Variants in RNF20 observed in about 807,000 individuals in gnomAD.
RNF20 encodes the protein E3 ubiquitin-protein ligase BRE1A.
A neutral mutation model predicts 126.2 loss-of-function variants in RNF20; 84 were observed. That is an observed-to-expected ratio of 0.67 (90% CI 0.56 to 0.80). The LOEUF is 0.80. Ranked by LOEUF, RNF20 falls within the 30% of genes least tolerant of loss-of-function variation. The pLI is 0.00. For synonymous variants in RNF20, 400 were observed against 414.3 expected (o/e 0.97, Z 0.42); for missense variants, 869 against 1,188.2 (o/e 0.73, Z 3.95).
chr9:101,549,264 T>C lies in RNF20; in HGVS notation c.1093-1342T>C, dbSNP rs573943910. Among the ~76,000 whole-genome samples the C allele has an allele frequency of 2.6e-5, 4 of 152,258 alleles. No individual in the cohort carries two copies. In the South Asian group the frequency reaches 8.3e-4, roughly 32 times the overall value. On this transcript the variant is annotated intron_variant, in intron 9 of 19. Transcript: ENST00000389120. Reference sequence around the variant, plus strand: ...AGAGCAAGCCATCTCCAATCGTAGGTAAGGTCACGTGGGTCACATGTCCAC... The same window carrying C: ...AGAGCAAGCCATCTCCAATCGTAGGCAAGGTCACGTGGGTCACATGTCCAC...
At chr9:101,544,421 A>G (rs1827314352) in intron 5 of RNF20, among the ~76,000 whole-genome samples, 2 of 152,244 alleles carry the variant, frequency 1.3e-5, no homozygotes, top group African/African-American at 2.4e-5. Flanking sequence ...ATTTGACACT[A>G]TAGGCCAGGC....
Position 101,550,603 on chromosome 9 carries a change from A to G in RNF20, c.1093-3A>G. ...TTCTGACTTTGCTTTGGGCCCTCCT[A>G]AGGTGGAATTGCGGAGTGCAGTGGA... is the stretch of plus-strand genomic sequence containing the variant. On this transcript the variant is annotated splice_region_variant and splice_polypyrimidine_tract_variant and intron_variant, in intron 9 of 19. Coordinates refer to ENST00000389120, the MANE Select transcript of RNF20 (RefSeq NM_019592.7). The G allele has an allele frequency of 6.2e-7, 1 of 1,612,954 alleles. No homozygotes were observed. Among genetic ancestry groups the G allele is most frequent in the East Asian group, 2.2e-5 (1 of 44,878 alleles).
chr9:101,562,425 T>A lies in RNF20; in HGVS notation c.*3T>A. On this transcript the variant is annotated 3_prime_UTR_variant, in exon 20 of 20. Coordinates refer to ENST00000389120, the MANE Select transcript of RNF20 (RefSeq NM_019592.7). ...TTCATCGCATCTACATTGGTTGATC[T>A]AAGTCAAGAGAAGAAGAGGAGCTGG... The A allele has an allele frequency of 6.2e-7, 1 of 1,610,682 alleles. No homozygotes were observed.
chr9:101,540,155 T>G (rs780542305), intron 2 of RNF20, 48 bp from the exon 3 acceptor site: 8 of 1,562,532 alleles, frequency 5.1e-6, no homozygotes, highest in Non-Finnish European at 7.0e-6. Context: ...TAACGGCTCA[T>G]TTTTCTTATT....
intron 2 of RNF20, among the ~76,000 whole-genome samples, chr9:101,536,127 G>A (rs1827180414): frequency 6.6e-6 from 1 of 152,146 alleles, no homozygotes; most frequent in South Asian, 2.1e-4. Context: ...TAAATGGGAG[G>A]CATTCATAGC....
chr9:101,539,665 T>C (rs1827230332), intron 2 of RNF20, among the ~76,000 whole-genome samples: 1 of 152,084 alleles, frequency 6.6e-6, no homozygotes, highest in Non-Finnish European at 1.5e-5. Context: ...ATGACAAAAG[T>C]CTGAGATGTG....
rs547059221 is a variant in RNF20, at chr9:101,551,839, A to G, written c.1408+20A>G. ...AAGCAGGTATAATGATTCTCACTCC[A>G]TGCTGTAGTTTGCTCTTAATACCTT... On this transcript the variant is annotated intron_variant, in intron 11 of 19. Transcript: ENST00000389120. The G allele has an allele frequency of 5.0e-5, 79 of 1,592,058 alleles. No homozygotes were observed. Among genetic ancestry groups the G allele is most frequent in the South Asian group, 1.3e-4 (11 of 86,664 alleles).
At chr9:101,554,670 T>C in intron 14 of RNF20, 24 bp from the exon 15 acceptor site, 1 of 1,603,464 alleles carries the variant, frequency 6.2e-7, no homozygotes, top group Non-Finnish European at 8.5e-7. Context: ...TTTTTATTTT[T>C]GTGCAATTCC....
chr9:101,546,314 A>G (rs1186305205), intron 6 of RNF20, among the ~76,000 whole-genome samples: 1 of 152,216 alleles, frequency 6.6e-6, no homozygotes, highest in South Asian at 2.1e-4. Flanking sequence ...AGTATAATCT[A>G]TACTGTATTG....
chr9:101,547,061 C>G (rs2118699530), intron 7 of RNF20, 76 bp from the exon 8 acceptor site: 2 of 1,601,244 alleles, frequency 1.2e-6, no homozygotes, highest in Non-Finnish European at 1.7e-6. Context: ...GAAAAAATCT[C>G]ATCCTTTGAA....
chr9:101,556,009 C>CTT (rs147788792), intron 15 of RNF20, among the ~76,000 whole-genome samples: 5 of 147,850 alleles, frequency 3.4e-5, no homozygotes, highest in Non-Finnish European at 6.0e-5. Flanking sequence ...GTAAATGCCA[C>CTT]TTTTTTTTTT....
In RNF20 at chr9:101,561,153, C is replaced by G; in HGVS notation, c.2572C>G (p.Leu858Val). ...ACAACTGGAGTTGGCTCAGAAGAAG[C>G]TACATGATTTTCAGGATGAGATCGT... ...KAQLELAQKK[L>V]HDFQDEIVEN... Residue 858 changes from leucine to valine, a missense_variant, in exon 18 of 20, where the codon CTA (leucine) becomes GTA (valine). By Grantham distance (32) the Leu-to-Val change is conservative (BLOSUM62 1). Around this residue, in one of 8 missense-constraint regions of RNF20, gnomAD observed 150 missense variants for 173.7 expected, o/e 0.86. Coordinates refer to ENST00000389120, the MANE Select transcript of RNF20 (RefSeq NM_019592.7). 6.2e-7 allele frequency: 1 copy of G among 1,613,900 alleles called. No individual in the cohort carries two copies. The highest frequency in any genetic ancestry group is 8.5e-7 in the Non-Finnish European group (1 of 1,179,814).
chr9:101,552,265 A>G lies in RNF20; in HGVS notation c.1530+3A>G. 2 of 1,614,220 alleles carry G rather than the reference A, an allele frequency of 1.2e-6. No homozygotes were observed. Among genetic ancestry groups the G allele is most frequent in the Non-Finnish European group, 8.5e-7 (1 of 1,180,016 alleles). On this transcript the variant is annotated splice_donor_region_variant and intron_variant, in intron 12 of 19. Coordinates refer to ENST00000389120, the MANE Select transcript of RNF20 (RefSeq NM_019592.7). ...AAGCCCAGTCTGACCTGAACAAGGT[A>G]ACCAGAGGGAATAGAATAAATATCA...
chr9:101,540,713 A>G lies in RNF20; in HGVS notation c.445+76A>G. On this transcript the variant is annotated intron_variant, in intron 4 of 19. Coordinates refer to ENST00000389120, the MANE Select transcript of RNF20 (RefSeq NM_019592.7). ...GTAGAGCTCTGCTTTGAGGCTTTCC[A>G]TTTGAGGGAAAAAAAATGGATTTTG... The G allele has an allele frequency of 2.5e-6, 4 of 1,590,628 alleles. No individual in the cohort carries two copies. The South Asian group carries it at 4.5e-5, about 18-fold the overall frequency.
chr9:101,540,926 T>C lies in RNF20; in HGVS notation c.579T>C (p.Asp193=). 1 of 1,614,036 alleles carries C rather than the reference T, an allele frequency of 6.2e-7. No homozygotes were observed. The highest frequency in any genetic ancestry group is 1.1e-5 in the South Asian group (1 of 91,082). Residue 193 remains aspartate (D), a synonymous_variant, in exon 5 of 20, where the codon GAT becomes GAC. Coordinates refer to ENST00000389120, the MANE Select transcript of RNF20 (RefSeq NM_019592.7). ...RAVSQIVTVY[D]KLQEKVELLS... Reference sequence around the variant, plus strand: ...TGTCCCAGATTGTGACTGTTTATGATAAATTGCAAGAAAAAGTGGAGCTCT... The same window carrying C: ...TGTCCCAGATTGTGACTGTTTATGACAAATTGCAAGAAAAAGTGGAGCTCT...
intron 15 of RNF20, 53 bp from the exon 16 acceptor site, chr9:101,557,331 C>T: frequency 7.4e-7 from 1 of 1,346,178 alleles, no homozygotes; most frequent in Non-Finnish European, 1.1e-6. Flanking sequence ...CTGTGCTCTT[C>T]CATTGAAGTT....
intron 2 of RNF20, among the ~76,000 whole-genome samples, chr9:101,539,610 G>A (rs1201670727): frequency 6.6e-6 from 1 of 152,184 alleles, no homozygotes; most frequent in African/African-American, 2.4e-5. Flanking sequence ...TTCAGGGAAT[G>A]GGAAGTTGGA....
intron 15 of RNF20, among the ~76,000 whole-genome samples, chr9:101,557,166 T>C (rs377333076): frequency 2.3e-4 from 35 of 152,316 alleles, no homozygotes; most frequent in African/African-American, 8.2e-4. Context: ...TAACTGACGT[T>C]GAGTACAGAT....
chr9:101,552,823 T>G (rs1827471700), intron 13 of RNF20, 70 bp downstream of exon 13: 1 of 1,401,676 alleles, frequency 7.1e-7, no homozygotes, highest in Admixed American at 2.3e-5. Context: ...ATGAAATGTT[T>G]GGTTGATGGC....
Sources: allele counts gnomAD v4.1 joint callset (sites outside exome capture counted in the v4.1 genomes callset), GRCh38; gene constraint gnomAD v4.1.1; regional missense constraint gnomAD v4.1.1; transcripts MANE v1.5; gene names NCBI Gene and HGNC (gene_info 2026-07-23, HGNC 2026-07-21).